Variants in USH2A observed in about 807,000 individuals in gnomAD.
The protein encoded by USH2A is Usher syndrome 2A (autosomal recessive, mild).
Under a neutral mutation model 538.9 loss-of-function variants are expected in USH2A, and 443 were observed. The ratio of observed to expected loss-of-function variants is 0.82; its 90% CI spans 0.76 to 0.89. The LOEUF is 0.89. Ranked by LOEUF, USH2A falls within the 40% of genes least tolerant of loss-of-function variation. The probability of loss-of-function intolerance (pLI) is 0.00; values close to 1 mark genes in which losing one functional copy is unlikely to be tolerated. For synonymous variants in USH2A, 2,413 were observed against 2,273.5 expected, an observed-to-expected ratio of 1.06 and a Z score of -1.75; for missense variants, 6,633 against 6,324.8, an observed-to-expected ratio of 1.05 and a Z score of -1.65.
intron 60 of USH2A, among the ~76,000 whole-genome samples, chr1:215,733,180 G>T (rs994788627): frequency 1.6e-5 from 2 of 124,986 alleles, no homozygotes; most frequent in Admixed American, 9.0e-5. Flanking sequence ...GAGAGCAGGA[G>T]CAAGAGAGAG....
Position 216,250,894 on chromosome 1 carries a change from T to G in USH2A, c.2167+9A>C. 1 of 1,613,850 alleles carries G rather than the reference T, an allele frequency of 6.2e-7. No individual in the cohort carries two copies. Among genetic ancestry groups the G allele is most frequent in the Non-Finnish European group, 8.5e-7 (1 of 1,179,868 alleles). On this transcript the variant is annotated intron_variant, in intron 12 of 71. Transcript: ENST00000307340. ...GAGATGTGACTGTAAACTTTTGCGT[T>G]ACACGTACCAATAACGTTTGCTTTG... is the stretch of plus-strand genomic sequence containing the variant.
chr1:216,013,384 C>T (rs1300835738), intron 32 of USH2A, among the ~76,000 whole-genome samples: 2 of 151,680 alleles, frequency 1.3e-5, no homozygotes, highest in African/African-American at 4.8e-5. Flanking sequence ...CCATACCATC[C>T]CCCAAAATTT....
At chr1:215,668,518 A>G (rs963082542) in intron 64 of USH2A, among the ~76,000 whole-genome samples, 1 of 152,266 alleles carries the variant, frequency 6.6e-6, no homozygotes, top group East Asian at 1.9e-4. Context: ...ATTGGAGATC[A>G]AAAACCAAAT....
Position 216,031,544 on chromosome 1 carries a change from T to A in USH2A, c.6325+14887A>T, listed in dbSNP as rs542933548. The stretch of plus-strand genomic sequence containing the variant: ...AGTCCAATTAGCTTCTTGCATTTAG[T>A]GTTCTAACCCACTTGTCCTTATGCC... On this transcript the variant is annotated intron_variant, in intron 32 of 71. Coordinates refer to ENST00000307340, the MANE Select transcript of USH2A (RefSeq NM_206933.4). Among the ~76,000 whole-genome samples, 9 of 152,296 alleles carry A rather than the reference T, an allele frequency of 5.9e-5. No individual in the cohort carries two copies. In the South Asian group the frequency reaches 1.9e-3, roughly 32 times the overall value.
intron 22 of USH2A, among the ~76,000 whole-genome samples, chr1:216,092,602 T>G (rs1401901329): frequency 6.6e-6 from 1 of 152,230 alleles, no homozygotes; most frequent in Non-Finnish European, 1.5e-5. Flanking sequence ...GTTTTAACAC[T>G]TCTTTGTCTA....
intron 54 of USH2A, 111 bp downstream of exon 54, chr1:215,781,931 C>A: frequency 6.8e-7 from 1 of 1,473,130 alleles, no homozygotes; most frequent in Non-Finnish European, 9.4e-7. Flanking sequence ...CTTAACACCA[C>A]TTTGAGGAGG....
At chr1:216,377,807 A>AAAAGAAAGAAAGAGAAGGAAAGAAAG (rs2038853788) in intron 3 of USH2A, among the ~76,000 whole-genome samples, 8 of 49,524 alleles carry the variant, frequency 1.6e-4, no homozygotes, top group African/African-American at 4.1e-4. Flanking sequence ...GAAAGAAATA[A>AAAAGAAAGAAAGAGAAGGAAAGAAAG]AAAGAAAGAA....
intron 14 of USH2A, among the ~76,000 whole-genome samples, chr1:216,227,033 C>A (rs931503872): frequency 3.3e-5 from 5 of 152,202 alleles, no homozygotes; most frequent in Admixed American, 6.5e-5. Flanking sequence ...TCTCACTGGA[C>A]TCAAGTGGAA....
intron 21 of USH2A, among the ~76,000 whole-genome samples, chr1:216,139,833 C>T (rs61826898): frequency 6.6e-6 from 1 of 152,098 alleles, no homozygotes; most frequent in Non-Finnish European, 1.5e-5. Flanking sequence ...TGTCTGAGGC[C>T]GCTGGTTATA....
At chr1:215,844,613 G>A (rs554940140) in intron 45 of USH2A, 117 bp from the exon 46 acceptor site, 14 of 1,049,714 alleles carry the variant, frequency 1.3e-5, no homozygotes, top group African/African-American at 3.2e-5. Context: ...TCTGCTTTTC[G>A]CTGATGAAGT....
At chr1:216,385,789 T>A (rs1048782995) in intron 3 of USH2A, among the ~76,000 whole-genome samples, 2 of 152,224 alleles carry the variant, frequency 1.3e-5, no homozygotes, top group African/African-American at 4.8e-5. Context: ...GCATAAAACC[T>A]ACTCTTGGCA....
rs148752940 is a variant in USH2A, at chr1:215,824,439, A to G, written c.9372-7244T>C. Among the ~76,000 whole-genome samples the G allele has an allele frequency of 1.1e-4, 16 of 152,100 alleles. No individual in the cohort carries two copies. The East Asian group carries it at 3.1e-3, about 30-fold the overall frequency. ...TCAGGTCCAGGTTTGCCTTGTCTCCAGTAAACTATCAGAATACCACCTTTC... is the reference window on the plus strand; with the variant it reads ...TCAGGTCCAGGTTTGCCTTGTCTCCGGTAAACTATCAGAATACCACCTTTC... On this transcript the variant is annotated intron_variant, in intron 47 of 71. Transcript: ENST00000307340.
At chr1:215,792,628 T>C (rs1319647192) in intron 50 of USH2A, among the ~76,000 whole-genome samples, 1 of 152,160 alleles carries the variant, frequency 6.6e-6, no homozygotes. Context: ...CTAACTCACT[T>C]AGGGAGAGCA....
rs187509917 is a variant in USH2A, at chr1:215,629,406, C to T, written c.15298-371G>A. Among the ~76,000 whole-genome samples the T allele has an allele frequency of 1.4e-4, 21 of 152,244 alleles. 1 individual carries two copies. The highest frequency in any genetic ancestry group is 5.1e-4 in the African/African-American group (21 of 41,560). ...GGATGATGGGTGAACAAGGTATCTT[C>T]TTCATACATGTCAGCACAGAGCCTC... On this transcript the variant is annotated intron_variant, in intron 70 of 71. Coordinates refer to ENST00000307340, the MANE Select transcript of USH2A (RefSeq NM_206933.4).
intron 35 of USH2A, among the ~76,000 whole-genome samples, chr1:215,980,204 C>A (rs1057361753): frequency 1.3e-5 from 2 of 152,100 alleles, no homozygotes; most frequent in Non-Finnish European, 2.9e-5. Flanking sequence ...GCGTTTTAAT[C>A]AAGTACTATT....
chr1:215,632,175 G>A (rs868317195), intron 70 of USH2A, among the ~76,000 whole-genome samples: 31 of 152,100 alleles, frequency 2.0e-4, no homozygotes, highest in Middle Eastern at 3.4e-3. Context: ...CCATTCTCCT[G>A]CCTCAACCTC....
rs188934166 is a variant in USH2A, at chr1:216,384,127, T to C, written c.652-19042A>G. ...TTTTCCTTCTCTGCCTATGCTTTCT[T>C]TCTTTTTTTATAACTATGACATAAA... On this transcript the variant is annotated intron_variant, in intron 3 of 71. Transcript: ENST00000307340. 6.3e-3 allele frequency among the ~76,000 whole-genome samples: 953 copies of C among 151,976 alleles called. 2 individuals are homozygous for C. Among genetic ancestry groups the C allele is most frequent in the Middle Eastern group, 0.014 (4 of 294 alleles).
intron 37 of USH2A, among the ~76,000 whole-genome samples, chr1:215,936,815 C>T (rs999052952): frequency 2.6e-5 from 4 of 152,014 alleles, no homozygotes; most frequent in African/African-American, 9.7e-5. Context: ...TCATCCATTA[C>T]CAATGTGTCA....
intron 30 of USH2A, among the ~76,000 whole-genome samples, chr1:216,055,629 G>A (rs992263526): frequency 6.6e-6 from 1 of 152,110 alleles, no homozygotes; most frequent in African/African-American, 2.4e-5. Flanking sequence ...TGTTAAATAT[G>A]GATGAAAACT....
Sources: gnomAD v4.1 joint callset for allele counts (sites outside exome capture counted in the v4.1 genomes callset) on GRCh38, gnomAD v4.1.1 for gene constraint, MANE v1.5 for transcripts, NCBI Gene and HGNC (gene_info 2026-07-23, HGNC 2026-07-21) for gene names.